Variants in EDNRA observed in about 807,000 individuals in gnomAD.
EDNRA encodes the protein endothelin-1 receptor.
A neutral mutation model predicts 41.4 loss-of-function variants in EDNRA; 11 were observed. That is an observed-to-expected ratio of 0.27 (90% CI 0.17 to 0.44). The LOEUF is 0.44. Among genes scored for constraint, EDNRA ranks in the 20% least tolerant of loss-of-function variants. EDNRA has a pLI of 1.00. For missense variants in EDNRA, 294 were observed against 531.0 expected, an observed-to-expected ratio of 0.55 and a Z score of 4.39; for synonymous variants, 172 against 183.0, an observed-to-expected ratio of 0.94 and a Z score of 0.49.
Position 147,508,173 on chromosome 4 carries a change from C to G in EDNRA, c.421-11678C>G, listed in dbSNP as rs141678493. Among the ~76,000 whole-genome samples the G allele has an allele frequency of 4.8e-3, 734 of 152,226 alleles. 3 individuals carry two copies. The highest frequency in any genetic ancestry group is 0.014 in the Middle Eastern group (4 of 294). ...TTTTTGTTTGAAATGGAGTCTCGCT[C>G]TGTCACCCAGGCTGAAGTGCAGTGG... On this transcript the variant is annotated intron_variant, in intron 2 of 7. Coordinates refer to ENST00000651419, the MANE Select transcript of EDNRA (RefSeq NM_001957.4).
At chr4:147,514,455 C>T (rs990465359) in intron 2 of EDNRA, among the ~76,000 whole-genome samples, 6 of 137,918 alleles carry the variant, frequency 4.4e-5, no homozygotes, top group African/African-American at 1.4e-4. Context: ...GGCCCCAACA[C>T]GATTTTTTCT....
chr4:147,501,175 T>C (rs566141917), intron 2 of EDNRA, among the ~76,000 whole-genome samples: 4 of 152,350 alleles, frequency 2.6e-5, no homozygotes, highest in East Asian at 3.9e-4. Flanking sequence ...ATATTTTTCT[T>C]AGCCAGAAAT....
chr4:147,532,164 A>G (rs1371244088), intron 3 of EDNRA, among the ~76,000 whole-genome samples: 30 of 118,450 alleles, frequency 2.5e-4, no homozygotes, highest in Non-Finnish European at 5.0e-4. Flanking sequence ...AAAAAAAAAA[A>G]AAATACAAAA....
intron 2 of EDNRA, among the ~76,000 whole-genome samples, chr4:147,505,627 C>T (rs148596809): frequency 6.7e-6 from 1 of 149,590 alleles, no homozygotes; most frequent in Non-Finnish European, 1.5e-5. Context: ...CAGGCGTAAG[C>T]CACCCTGCCC....
At position 147,540,504 on chromosome 4, in the gene EDNRA, TA is replaced by T; in HGVS notation, c.1143+20del. 6.4e-7 allele frequency: 1 copy of T among 1,564,966 alleles called. No individual in the cohort carries two copies. The highest frequency in any genetic ancestry group is 8.7e-7 in the Non-Finnish European group (1 of 1,142,888). ...TTTCCAGGTAAGATGATTTTTCAAG[TA>T]TTTTTTAAAGACAACAAAATGAGTA... is the stretch of plus-strand genomic sequence containing the variant. On this transcript the variant is annotated intron_variant, in intron 7 of 7. Transcript: ENST00000651419.
At chr4:147,527,035 G>T (rs1214483678) in intron 3 of EDNRA, among the ~76,000 whole-genome samples, 1 of 152,196 alleles carries the variant, frequency 6.6e-6, no homozygotes, top group African/African-American at 2.4e-5. Context: ...CATTACAAAT[G>T]ATCAAGTTTG....
chr4:147,525,250 G>C (rs1489215189), intron 3 of EDNRA, among the ~76,000 whole-genome samples: 1 of 152,220 alleles, frequency 6.6e-6, no homozygotes, highest in Non-Finnish European at 1.5e-5. Flanking sequence ...AGGACTGAGA[G>C]AAAGCACATG....
At chr4:147,528,382 G>T (rs1312952599) in intron 3 of EDNRA, among the ~76,000 whole-genome samples, 1 of 140,046 alleles carries the variant, frequency 7.1e-6, no homozygotes, top group Non-Finnish European at 1.5e-5. Context: ...TTTTCAGACA[G>T]GGTCTTACTC....
chr4:147,538,054 C>G (rs1730975072), intron 5 of EDNRA, among the ~76,000 whole-genome samples: 1 of 152,078 alleles, frequency 6.6e-6, no homozygotes, highest in African/African-American at 2.4e-5. Flanking sequence ...ATGCTGGGAA[C>G]ACAAAACCCA....
At chr4:147,502,085 C>G (rs1219991085) in intron 2 of EDNRA, among the ~76,000 whole-genome samples, 1 of 151,824 alleles carries the variant, frequency 6.6e-6, no homozygotes, top group Admixed American at 6.6e-5. Flanking sequence ...TTTTTTGTTC[C>G]TATATGCTAA....
chr4:147,508,145 AT>A (rs1352691206), intron 2 of EDNRA, among the ~76,000 whole-genome samples: 1 of 151,616 alleles, frequency 6.6e-6, no homozygotes. Context: ...TTATTTATTT[AT>A]TTTTTTGTTT....
At position 147,515,580 on chromosome 4, in the gene EDNRA, G is replaced by A. The variant is rs375141780; in HGVS notation, c.421-4271G>A. ...AGAGCTAAGCTTTACACCACTGGGTGTAGAGTGAGAATCAGTCCCCCTGTG... is the reference window on the plus strand; with the variant it reads ...AGAGCTAAGCTTTACACCACTGGGTATAGAGTGAGAATCAGTCCCCCTGTG... On this transcript the variant is annotated intron_variant, in intron 2 of 7. Transcript: ENST00000651419. 6.9e-4 allele frequency among the ~76,000 whole-genome samples: 105 copies of A among 152,290 alleles called. 2 individuals are homozygous for A. The South Asian group carries it at 0.02, about 29-fold the overall frequency.
intron 2 of EDNRA, chr4:147,487,983 C>T (rs1042609881): frequency 1.4e-4 from 21 of 152,218 alleles, no homozygotes; most frequent in Non-Finnish European, 1.9e-4. Context: ...TTGACTTTCT[C>T]CTGACATTTC....
chr4:147,525,846 G>A (rs950225909), intron 3 of EDNRA, among the ~76,000 whole-genome samples: 2 of 152,206 alleles, frequency 1.3e-5, no homozygotes, highest in Non-Finnish European at 2.9e-5. Context: ...AGGCAGCTTT[G>A]TTTTATATGG....
Position 147,485,796 on chromosome 4 carries a change from A to G in EDNRA, c.115A>G (p.Thr39Ala), listed in dbSNP as rs1482254930. The G allele has an allele frequency of 1.2e-6, 2 of 1,614,236 alleles. No homozygotes were observed. Among genetic ancestry groups the G allele is most frequent in the Non-Finnish European group, 1.7e-6 (2 of 1,180,036 alleles). Reference sequence around the variant, plus strand: ...AAGCAATCATGTGGATGATTTCACCACTTTTCGTGGCACAGAGCTCAGCTT... The same window carrying G: ...AAGCAATCATGTGGATGATTTCACCGCTTTTCGTGGCACAGAGCTCAGCTT... Reference protein sequence around the residue: ...NLSNHVDDFTTFRGTELSFLV... With the variant: ...NLSNHVDDFTAFRGTELSFLV... Residue 39 changes from threonine (T) to alanine (A), a missense_variant, in exon 2 of 8, where the codon ACT becomes GCT. By Grantham distance (58) the Thr-to-Ala change is moderately conservative. Transcript: ENST00000651419.
intron 2 of EDNRA, among the ~76,000 whole-genome samples, chr4:147,509,226 A>T (rs1333271080): frequency 1.3e-5 from 2 of 152,146 alleles, no homozygotes; most frequent in African/African-American, 4.8e-5. Flanking sequence ...CTTTTGCAGC[A>T]TCAGCTTTCT....
chr4:147,539,742 C>G, intron 5 of EDNRA, 75 bp from the exon 6 acceptor site: 2 of 1,507,214 alleles, frequency 1.3e-6, no homozygotes, highest in South Asian at 1.3e-5. Context: ...TCTGCTACTT[C>G]TTGGTACTGT....
intron 1 of EDNRA, among the ~76,000 whole-genome samples, chr4:147,485,188 A>T (rs1435180815): frequency 1.9e-4 from 29 of 152,274 alleles, no homozygotes; most frequent in Non-Finnish European, 4.3e-4. Context: ...TACTACTTAA[A>T]GGAAAAACTG....
Position 147,519,628 on chromosome 4 carries a change from T to C in EDNRA, c.421-223T>C, listed in dbSNP as rs1730243416. 6.6e-6 allele frequency among the ~76,000 whole-genome samples: 1 copy of C among 151,108 alleles called. No individual in the cohort carries two copies. The highest frequency in any genetic ancestry group is 1.5e-5 in the Non-Finnish European group (1 of 67,804). ...ACAATATATTCATGTTACTACATAT[T>C]AATAATAATAAATTATATCTGTATA... On this transcript the variant is annotated intron_variant, in intron 2 of 7. Transcript: ENST00000651419. The surrounding 1 kb of genome is among the most constrained non-coding windows in gnomAD (Gnocchi z 4.1).
Sources: gnomAD v4.1 joint callset for allele counts (sites outside exome capture counted in the v4.1 genomes callset) on GRCh38, gnomAD v4.1.1 for gene constraint, Gnocchi (gnomAD v3.1) non-coding constraint, MANE v1.5 for transcripts, NCBI Gene and HGNC (gene_info 2026-07-23, HGNC 2026-07-21) for gene names.